Variants in SUCLG2 observed in about 807,000 individuals in gnomAD.
SUCLG2 encodes succinate-CoA ligase GDP-forming subunit beta, also known as succinate--CoA ligase [GDP-forming] subunit beta, mitochondrial.
Under a neutral mutation model 47.9 loss-of-function variants are expected in SUCLG2, and 42 were observed. The ratio of observed to expected loss-of-function variants is 0.88; its 90% CI spans 0.69 to 1.14. The LOEUF (loss-of-function observed/expected upper bound fraction) is 1.14, where lower values mean the gene tolerates loss of function less well. SUCLG2 is among the 50% of genes most tolerant of loss of function. The pLI is 0.00. For synonymous variants in SUCLG2, 195 were observed against 197.3 expected (o/e 0.99, Z 0.10); for missense variants, 571 against 525.9 (o/e 1.09, Z -0.84).
At chr3:67,559,764 G>A (rs1364644680) in intron 2 of SUCLG2, among the ~76,000 whole-genome samples, 1 of 152,032 alleles carries the variant, frequency 6.6e-6, no homozygotes, top group East Asian at 1.9e-4. Flanking sequence ...AATTTTCAGG[G>A]CAATAAAACT....
chr3:67,444,193 T>C (rs1703861870), intron 9 of SUCLG2, among the ~76,000 whole-genome samples: 1 of 44,344 alleles, frequency 2.3e-5, no homozygotes, highest in African/African-American at 8.0e-5. Context: ...AGCCGCCCCG[T>C]CCGGGAGGTG....
chr3:67,498,428 G>A (rs7630024), intron 7 of SUCLG2, 133 bp from the exon 8 acceptor site: 541,030 of 904,798 alleles, frequency 0.6, 168,026 homozygotes, highest in Middle Eastern at 0.71. Context: ...AGGCAGGAGA[G>A]GCTGCTTTGG....
chr3:67,366,624 T>C (rs1376917804), intron 10 of SUCLG2, among the ~76,000 whole-genome samples: 2 of 152,180 alleles, frequency 1.3e-5, no homozygotes, highest in African/African-American at 4.8e-5. Flanking sequence ...TGAAGAGGTT[T>C]GGCTTCCAAG....
At position 67,400,329 on chromosome 3, in the gene SUCLG2, T is replaced by C. The variant is rs142411623; in HGVS notation, c.1183+402A>G. ...ATTCCAAGTAATTTCAGTTATCAAA[T>C]TAATTTATCAATTAAATCAATTAAT... On this transcript the variant is annotated intron_variant, in intron 10 of 10. Transcript: ENST00000307227. Among the ~76,000 whole-genome samples the C allele has an allele frequency of 6.4e-3, 981 of 152,112 alleles. 20 individuals are homozygous for C. In the East Asian group the frequency reaches 0.089, roughly 14 times the overall value.
intron 9 of SUCLG2, among the ~76,000 whole-genome samples, chr3:67,448,054 T>C (rs1014379467): frequency 5.3e-5 from 8 of 152,184 alleles, no homozygotes; most frequent in Non-Finnish European, 1.2e-4. Context: ...AAAAAGTAGA[T>C]AACAATTAAA....
At position 67,454,794 on chromosome 3, in the gene SUCLG2, C is replaced by T. The variant is rs534894747; in HGVS notation, c.1062+41004G>A. Among the ~76,000 whole-genome samples, 15 of 152,138 alleles carry T rather than the reference C, an allele frequency of 9.9e-5. 1 individual carries two copies. In the South Asian group the frequency reaches 2.1e-3, roughly 21 times the overall value. ...TGGCTAACAAAGTGAAACCCCATCT[C>T]TACTAAAAATACAAAAAATTAGCCG... On this transcript the variant is annotated intron_variant, in intron 9 of 10. Coordinates refer to ENST00000307227, the MANE Select transcript of SUCLG2 (RefSeq NM_003848.4).
intron 10 of SUCLG2, among the ~76,000 whole-genome samples, chr3:67,398,250 A>T (rs1001581874): frequency 6.6e-6 from 1 of 150,728 alleles, no homozygotes; most frequent in African/African-American, 2.4e-5. Context: ...AAAATGGGAG[A>T]AAATTTTCGC....
At chr3:67,541,910 C>G (rs1482092504) in intron 2 of SUCLG2, among the ~76,000 whole-genome samples, 1 of 151,498 alleles carries the variant, frequency 6.6e-6, no homozygotes, top group Non-Finnish European at 1.5e-5. Context: ...CTCTTGTTGC[C>G]CAGGCTGGAG....
At chr3:67,431,865 C>T (rs1304235555) in intron 9 of SUCLG2, among the ~76,000 whole-genome samples, 2 of 152,086 alleles carry the variant, frequency 1.3e-5, no homozygotes, top group Non-Finnish European at 2.9e-5. Context: ...TGCACATGTA[C>T]CCTAGAACTT....
intron 9 of SUCLG2, chr3:67,408,958 T>C: frequency 6.5e-7 from 1 of 1,534,842 alleles, no homozygotes; most frequent in South Asian, 1.2e-5. Flanking sequence ...ATATTGGTCC[T>C]ATTTCCAAGC....
At chr3:67,393,782 A>G (rs969207002) in intron 10 of SUCLG2, among the ~76,000 whole-genome samples, 6 of 152,202 alleles carry the variant, frequency 3.9e-5, no homozygotes, top group Non-Finnish European at 7.3e-5. Context: ...CAGCAGGGGC[A>G]GACTGACACC....
chr3:67,610,001 C>A (rs9309844), intron 1 of SUCLG2, among the ~76,000 whole-genome samples: 74,122 of 151,990 alleles, frequency 0.49, 18,999 homozygotes, highest in African/African-American at 0.64. Flanking sequence ...AGTATTTCAA[C>A]ATAAGTTATT....
chr3:67,568,663 G>A (rs1385474800), intron 2 of SUCLG2, among the ~76,000 whole-genome samples: 4 of 152,116 alleles, frequency 2.6e-5, no homozygotes, highest in East Asian at 1.9e-4. Flanking sequence ...CGAGGCGGGC[G>A]GATCACGAGG....
chr3:67,557,880 A>C (rs1707202997), intron 2 of SUCLG2, among the ~76,000 whole-genome samples: 1 of 152,176 alleles, frequency 6.6e-6, no homozygotes, highest in Non-Finnish European at 1.5e-5. Context: ...ACCAAGAGTG[A>C]CCTTAGGCTT....
chr3:67,597,962 C>A (rs951057326), intron 2 of SUCLG2, among the ~76,000 whole-genome samples: 4 of 151,824 alleles, frequency 2.6e-5, no homozygotes, highest in Admixed American at 1.3e-4. Context: ...CAAACAACAA[C>A]AACAAAAAAC....
chr3:67,597,325 A>G (rs1708316741), intron 2 of SUCLG2, among the ~76,000 whole-genome samples: 1 of 152,178 alleles, frequency 6.6e-6, no homozygotes, highest in Non-Finnish European at 1.5e-5. Flanking sequence ...ACCCAATGAC[A>G]TTAGAGAAAG....
At chr3:67,581,935 C>T (rs930145506) in intron 2 of SUCLG2, among the ~76,000 whole-genome samples, 21 of 151,956 alleles carry the variant, frequency 1.4e-4, no homozygotes, top group African/African-American at 5.1e-4. Flanking sequence ...AAATTAGCTC[C>T]CAAAAAGTCA....
At chr3:67,475,322 A>G (rs1704721267) in intron 9 of SUCLG2, among the ~76,000 whole-genome samples, 1 of 152,158 alleles carries the variant, frequency 6.6e-6, no homozygotes, top group Admixed American at 6.5e-5. Context: ...AAACTGAGTG[A>G]TTTCTCTTCA....
At chr3:67,546,522 G>A (rs974155847) in intron 2 of SUCLG2, among the ~76,000 whole-genome samples, 3 of 152,252 alleles carry the variant, frequency 2.0e-5, no homozygotes, top group Middle Eastern at 3.4e-3. Flanking sequence ...ATCACTTGAG[G>A]CCAGGAGTTC....
Sources: gnomAD v4.1 joint callset for allele counts (sites outside exome capture counted in the v4.1 genomes callset) on GRCh38, gnomAD v4.1.1 for gene constraint, MANE v1.5 for transcripts, NCBI Gene and HGNC (gene_info 2026-07-23, HGNC 2026-07-21) for gene names.